MEMO1: variants seen among roughly 807,000 people sequenced by gnomAD.
MEMO1 encodes mediator of cell motility 1, also known as protein MEMO1.
Under a neutral mutation model 45.2 loss-of-function variants are expected in MEMO1, and 6 were observed. That is an observed-to-expected ratio of 0.13 (90% CI 0.07 to 0.26). The LOEUF is 0.26. Among genes scored for constraint, MEMO1 ranks in the 10% least tolerant of loss-of-function variants. The probability of loss-of-function intolerance (pLI) is 1.00; values close to 1 mark genes in which losing one functional copy is unlikely to be tolerated. For missense variants in MEMO1, 184 were observed against 370.5 expected, an observed-to-expected ratio of 0.50 and a Z score of 4.13; for synonymous variants, 78 against 124.3, an observed-to-expected ratio of 0.63 and a Z score of 2.48.
intron 3 of MEMO1, among the ~76,000 whole-genome samples, chr2:31,933,119 C>A: frequency 6.7e-6 from 1 of 149,924 alleles, no homozygotes; most frequent in Non-Finnish European, 1.5e-5. Context: ...GGAAGAAAGT[C>A]AAACAAAAAT....
At chr2:31,963,156 C>A in intron 2 of MEMO1, 1 of 1,530,010 alleles carries the variant, frequency 6.5e-7, no homozygotes, top group Non-Finnish European at 8.8e-7. Flanking sequence ...GCTTCAGACT[C>A]AAAGTGAAAC....
At chr2:31,874,470 C>A (rs995931123) in intron 8 of MEMO1, among the ~76,000 whole-genome samples, 3 of 152,100 alleles carry the variant, frequency 2.0e-5, no homozygotes, top group African/African-American at 7.2e-5. Flanking sequence ...TAATTAATTT[C>A]TAAGATATTC....
intron 2 of MEMO1, among the ~76,000 whole-genome samples, chr2:31,997,134 A>C (rs1359982417): frequency 6.6e-6 from 1 of 152,192 alleles, no homozygotes; most frequent in Non-Finnish European, 1.5e-5. Context: ...AATGAAAAAA[A>C]TACTTGAGGT....
At chr2:32,004,756 A>G (rs1205600338) in intron 2 of MEMO1, among the ~76,000 whole-genome samples, 2 of 151,956 alleles carry the variant, frequency 1.3e-5, no homozygotes, top group African/African-American at 4.8e-5. Flanking sequence ...GTGAAACCCC[A>G]TCTCTACTAA....
intron 6 of MEMO1, among the ~76,000 whole-genome samples, chr2:31,898,601 T>C (rs529946607): frequency 6.6e-6 from 1 of 152,320 alleles, no homozygotes; most frequent in East Asian, 1.9e-4. Context: ...TTCTGTTGTT[T>C]TGCAGTTGCT....
intron 7 of MEMO1, among the ~76,000 whole-genome samples, chr2:31,888,189 A>T (rs1004609732): frequency 7.2e-5 from 11 of 151,986 alleles, no homozygotes; most frequent in African/African-American, 2.7e-4. Flanking sequence ...CTTTTTGTTT[A>T]TTTTTTGTTA....
At chr2:32,009,707 G>T (rs1174942938) in intron 2 of MEMO1, among the ~76,000 whole-genome samples, 1 of 152,184 alleles carries the variant, frequency 6.6e-6, no homozygotes, top group Non-Finnish European at 1.5e-5. Flanking sequence ...GACGGGAGAG[G>T]AAAGGAAAGG....
At chr2:31,886,154 G>A (rs1174933373) in intron 7 of MEMO1, among the ~76,000 whole-genome samples, 1 of 152,144 alleles carries the variant, frequency 6.6e-6, no homozygotes, top group Non-Finnish European at 1.5e-5. Context: ...TTTAGTAACT[G>A]AAAAACTGAC....
At chr2:31,889,268 A>C (rs540897567) in intron 7 of MEMO1, among the ~76,000 whole-genome samples, 14 of 152,184 alleles carry the variant, frequency 9.2e-5, no homozygotes, top group Admixed American at 1.3e-4. Context: ...TTTTTTCCCC[A>C]AAAAATTCAG....
At chr2:31,957,182 T>A (rs981991651) in intron 2 of MEMO1, among the ~76,000 whole-genome samples, 11 of 151,184 alleles carry the variant, frequency 7.3e-5, no homozygotes, top group African/African-American at 1.2e-4. Flanking sequence ...AGTTACTGCA[T>A]CCTGAAAAGG....
chr2:31,963,288 C>CTACA (rs1243694376), intron 2 of MEMO1: 8 of 1,516,082 alleles, frequency 5.3e-6, no homozygotes, highest in Non-Finnish European at 7.1e-6. Flanking sequence ...ATAAACAGAT[C>CTACA]TACAGATAGG....
chr2:31,938,150 T>C (rs1387953025), intron 3 of MEMO1, among the ~76,000 whole-genome samples: 3 of 152,184 alleles, frequency 2.0e-5, no homozygotes, highest in Admixed American at 6.5e-5. Context: ...TTCATTAAGA[T>C]AGAACAACAG....
At chr2:31,893,822 C>T (rs929289204) in intron 6 of MEMO1, among the ~76,000 whole-genome samples, 1 of 152,178 alleles carries the variant, frequency 6.6e-6, no homozygotes, top group Non-Finnish European at 1.5e-5. Context: ...CCATTAATCC[C>T]TTCAATTAAC....
chr2:31,994,112 C>CGTG (rs1672282296), intron 2 of MEMO1, among the ~76,000 whole-genome samples: 1 of 149,798 alleles, frequency 6.7e-6, no homozygotes, highest in Admixed American at 6.7e-5. Flanking sequence ...AGGCGTGCAC[C>CGTG]ACCACGCCTG....
chr2:31,955,517 T>C (rs760770481), intron 2 of MEMO1, among the ~76,000 whole-genome samples: 10 of 152,204 alleles, frequency 6.6e-5, no homozygotes, highest in Non-Finnish European at 1.2e-4. Context: ...AGGTGATACT[T>C]AAACTCAAAA....
chr2:31,880,154 T>C (rs765582761), intron 8 of MEMO1, among the ~76,000 whole-genome samples: 16 of 152,182 alleles, frequency 1.1e-4, no homozygotes, highest in African/African-American at 3.1e-4. Context: ...ACCGGACATA[T>C]AGCAGATACC....
chr2:31,892,025 G>A lies in MEMO1; in HGVS notation c.547C>T (p.Leu183Phe). The part of the protein sequence containing the change: ...FSKYLADPSN[L>F]FVVSSDFCHW... ...CAGAAATCAGAAGAAACCACAAAGAGATTACTAGGATCCGCTAGATATTTA... is the reference window on the plus strand; with the variant it reads ...CAGAAATCAGAAGAAACCACAAAGAAATTACTAGGATCCGCTAGATATTTA... The change falls in exon 7 of 10, where the codon CTC (leucine) becomes TTC (phenylalanine). Residue 183 changes from leucine to phenylalanine, a missense_variant. By Grantham distance (22) the Leu-to-Phe change is conservative. Around this residue, in one of 3 missense-constraint regions of MEMO1, gnomAD observed 97 missense variants for 209.3 expected, o/e 0.46. Transcript: ENST00000404530. The A allele has an allele frequency of 6.2e-7, 1 of 1,611,896 alleles. No homozygotes were observed. The highest frequency in any genetic ancestry group is 1.1e-5 in the South Asian group (1 of 90,956).
At chr2:31,914,807 A>C (rs1681174844) in intron 6 of MEMO1, among the ~76,000 whole-genome samples, 1 of 151,670 alleles carries the variant, frequency 6.6e-6, no homozygotes, top group Non-Finnish European at 1.5e-5. Flanking sequence ...AAGTTTTTAA[A>C]ATTAGCCAGA....
chr2:31,905,709 G>T (rs757001316), intron 6 of MEMO1, among the ~76,000 whole-genome samples: 15 of 152,078 alleles, frequency 9.9e-5, no homozygotes, highest in Non-Finnish European at 2.2e-4. Flanking sequence ...AATATTATAA[G>T]GCCTTGAACT....
Sources: gnomAD v4.1 joint callset for allele counts (sites outside exome capture counted in the v4.1 genomes callset) on GRCh38, gnomAD v4.1.1 for gene constraint, gnomAD v4.1.1 regional missense constraint, MANE v1.5 for transcripts, NCBI Gene and HGNC (gene_info 2026-07-23, HGNC 2026-07-21) for gene names.